Variants in FARS2 observed in about 807,000 individuals in gnomAD.
The protein encoded by FARS2 is phenylalanine--tRNA ligase, mitochondrial.
A neutral mutation model predicts 46.4 loss-of-function variants in FARS2; 40 were observed. The observed-to-expected ratio is 0.86, with a 90% confidence interval of 0.67 to 1.12. FARS2 has a LOEUF of 1.12. FARS2 is among the 50% of genes most tolerant of loss of function. The pLI is 0.00. For missense variants in FARS2, 513 were observed against 567.9 expected, an observed-to-expected ratio of 0.90 and a Z score of 0.98; for synonymous variants, 234 against 214.9, an observed-to-expected ratio of 1.09 and a Z score of -0.78.
intron 1 of FARS2, among the ~76,000 whole-genome samples, chr6:5,334,224 A>G (rs1190568856): frequency 6.6e-6 from 1 of 152,212 alleles, no homozygotes; most frequent in Non-Finnish European, 1.5e-5. Flanking sequence ...AAATAGTTTA[A>G]TCACAGTGGT....
chr6:5,342,780 T>C (rs968283437), intron 1 of FARS2, among the ~76,000 whole-genome samples: 5 of 150,270 alleles, frequency 3.3e-5, no homozygotes, highest in Non-Finnish European at 5.9e-5. Flanking sequence ...AAAAAGAATA[T>C]AAGCTGATCT....
At chr6:5,524,797 G>T (rs1769359960) in intron 4 of FARS2, among the ~76,000 whole-genome samples, 1 of 152,206 alleles carries the variant, frequency 6.6e-6, no homozygotes, top group Non-Finnish European at 1.5e-5. Flanking sequence ...CAGGGTCTGT[G>T]CTCTTAACTC....
intron 2 of FARS2, among the ~76,000 whole-genome samples, chr6:5,393,688 A>C (rs971424266): frequency 6.6e-6 from 1 of 152,168 alleles, no homozygotes; most frequent in Non-Finnish European, 1.5e-5. Flanking sequence ...AGTACTTTTA[A>C]AATTATAATA....
At chr6:5,450,778 CTCT>C (rs1035653371) in intron 4 of FARS2, among the ~76,000 whole-genome samples, 3 of 152,094 alleles carry the variant, frequency 2.0e-5, no homozygotes, top group Non-Finnish European at 4.4e-5. Flanking sequence ...CTCTGAGAAC[CTCT>C]TCTTAGGGGT....
intron 6 of FARS2, among the ~76,000 whole-genome samples, chr6:5,656,049 G>T (rs1028616342): frequency 6.6e-6 from 1 of 152,266 alleles, no homozygotes; most frequent in Middle Eastern, 3.4e-3. Flanking sequence ...GGTATGTTGG[G>T]TATCATCCTA....
At chr6:5,452,005 C>T (rs1764523386) in intron 4 of FARS2, 1 of 152,228 alleles carries the variant, frequency 6.6e-6, no homozygotes, top group Non-Finnish European at 1.5e-5. Context: ...TCCTTTTCTT[C>T]CACAAGAGTC....
intron 6 of FARS2, among the ~76,000 whole-genome samples, chr6:5,684,308 T>G (rs952101405): frequency 6.6e-6 from 1 of 152,164 alleles, no homozygotes. Context: ...CACCTGGTTC[T>G]GCCGCACGCC....
At chr6:5,271,952 G>A (rs889899810) in intron 1 of FARS2, among the ~76,000 whole-genome samples, 2 of 152,140 alleles carry the variant, frequency 1.3e-5, no homozygotes, top group African/African-American at 2.4e-5. Flanking sequence ...ACCCCCTGCC[G>A]CCACCACCCT....
At chr6:5,578,808 C>CAAAAAAAAAAAAAAAAA (rs56248218) in intron 5 of FARS2, among the ~76,000 whole-genome samples, 34 of 124,350 alleles carry the variant, frequency 2.7e-4, no homozygotes, top group African/African-American at 8.3e-4. Flanking sequence ...CACTCCGTCT[C>CAAAAAAAAAAAAAAAAA]AAAAAAAAAA....
intron 5 of FARS2, among the ~76,000 whole-genome samples, chr6:5,561,732 C>T (rs1771995330): frequency 1.3e-5 from 2 of 152,026 alleles, no homozygotes; most frequent in Admixed American, 1.3e-4. Flanking sequence ...TTATTACTCT[C>T]CTTGAATAGT....
Position 5,471,550 on chromosome 6 carries a change from C to G in FARS2, c.904+40378C>G, listed in dbSNP as rs1561643794. Among the ~76,000 whole-genome samples, 1 of 152,204 alleles carries G rather than the reference C, an allele frequency of 6.6e-6. No homozygotes were observed. The highest frequency in any genetic ancestry group is 1.9e-4 in the East Asian group (1 of 5,200). On this transcript the variant is annotated intron_variant, in intron 4 of 6. Transcript: ENST00000274680. The surrounding 1 kb of genome is among the most constrained non-coding windows in gnomAD (Gnocchi z 4.1). ...AATGTTACCAGCAACACTGTACCAC[C>G]TATTTTAAAATTAATCCCTTTTGTT...
intron 1 of FARS2, among the ~76,000 whole-genome samples, chr6:5,356,537 C>T (rs1757942702): frequency 6.6e-6 from 1 of 152,124 alleles, no homozygotes; most frequent in African/African-American, 2.4e-5. Context: ...TCTCTAAGTG[C>T]AAGAAGGCTG....
intron 6 of FARS2, among the ~76,000 whole-genome samples, chr6:5,676,359 C>T (rs928858876): frequency 6.6e-6 from 1 of 152,188 alleles, no homozygotes; most frequent in Non-Finnish European, 1.5e-5. Context: ...TAAATACAAA[C>T]AGTACACATA....
intron 1 of FARS2, among the ~76,000 whole-genome samples, chr6:5,359,078 C>G (rs965348807): frequency 8.3e-6 from 1 of 120,386 alleles, no homozygotes; most frequent in South Asian, 3.1e-4. Flanking sequence ...CTTGCTCTGT[C>G]ACCCAGGCTG....
At chr6:5,472,609 A>G (rs1206065135) in intron 4 of FARS2, among the ~76,000 whole-genome samples, 2 of 152,206 alleles carry the variant, frequency 1.3e-5, no homozygotes, top group Non-Finnish European at 1.5e-5. Flanking sequence ...ATTTTATAGA[A>G]GCATGACTGA....
rs1480257862 is a variant in FARS2, at chr6:5,728,366, T to A, written c.1218-42925T>A. Among the ~76,000 whole-genome samples, 3 of 152,140 alleles carry A rather than the reference T, an allele frequency of 2.0e-5. No homozygotes were observed. In the East Asian group the frequency reaches 5.8e-4, roughly 29 times the overall value. On this transcript the variant is annotated intron_variant, in intron 6 of 6. Transcript: ENST00000274680. ...ATTATGGATTTTGGAGCATTAAAGC[T>A]TTATTGTTTTTGTTTTTTGTTTTGC...
intron 1 of FARS2, among the ~76,000 whole-genome samples, chr6:5,354,162 C>G (rs372479409): frequency 6.6e-5 from 10 of 152,236 alleles, no homozygotes; most frequent in African/African-American, 2.4e-4. Flanking sequence ...AATCCTCTTA[C>G]ACTAAAACCA....
chr6:5,729,437 T>C (rs2150933972), intron 6 of FARS2, among the ~76,000 whole-genome samples: 1 of 151,930 alleles, frequency 6.6e-6, no homozygotes, highest in South Asian at 2.1e-4. Context: ...GACACTGGAG[T>C]GGGGTCACTG....
intron 6 of FARS2, among the ~76,000 whole-genome samples, chr6:5,628,045 G>A (rs554137865): frequency 6.6e-5 from 10 of 152,314 alleles, no homozygotes; most frequent in African/African-American, 2.2e-4. Context: ...GGATTTTAAC[G>A]AGGTTGGTCA....
Sources: allele counts gnomAD v4.1 joint callset (sites outside exome capture counted in the v4.1 genomes callset), GRCh38; gene constraint gnomAD v4.1.1; non-coding constraint Gnocchi (gnomAD v3.1); transcripts MANE v1.5; gene names NCBI Gene and HGNC (gene_info 2026-07-23, HGNC 2026-07-21).